MTUS1: variants seen among roughly 807,000 people sequenced by gnomAD.
MTUS1 encodes the protein microtubule-associated tumor suppressor 1.
In MTUS1, 109 loss-of-function variants were observed where a neutral mutation model predicts 120.8. That is an observed-to-expected ratio of 0.90 (90% confidence interval 0.77 to 1.06). MTUS1 has a LOEUF of 1.06. Among genes scored for constraint, MTUS1 ranks in the 50% least tolerant of loss-of-function variants. The probability of loss-of-function intolerance (pLI) is 0.00; values close to 1 mark genes in which losing one functional copy is unlikely to be tolerated. For synonymous variants in MTUS1, 737 were observed against 550.5 expected, an observed-to-expected ratio of 1.34 and a Z score of -4.74; for missense variants, 2,210 against 1,486.3, an observed-to-expected ratio of 1.49 and a Z score of -8.01.
intron 6 of MTUS1, 36 bp downstream of exon 6, chr8:17,713,178 A>T (rs753675096): frequency 1.3e-6 from 2 of 1,531,118 alleles, no homozygotes; most frequent in Middle Eastern, 1.7e-4. Context: ...TTACAAAAAG[A>T]TTCTTTTTAT....
intron 8 of MTUS1, among the ~76,000 whole-genome samples, chr8:17,656,741 G>A (rs1171970837): frequency 1.3e-5 from 2 of 152,004 alleles, no homozygotes; most frequent in Admixed American, 6.6e-5. Context: ...CAGTGTGGTA[G>A]AAGCTCACAC....
At chr8:17,649,068 C>G (rs1246483115) in intron 13 of MTUS1, among the ~76,000 whole-genome samples, 6 of 150,448 alleles carry the variant, frequency 4.0e-5, no homozygotes, top group African/African-American at 1.5e-4. Context: ...TGCTACTTGT[C>G]CAAATGGATT....
At chr8:17,691,759 G>A (rs1361115786) in intron 6 of MTUS1, among the ~76,000 whole-genome samples, 1 of 151,828 alleles carries the variant, frequency 6.6e-6, no homozygotes, top group East Asian at 1.9e-4. Context: ...ACATTTTGTA[G>A]TACGAAAAAC....
At position 17,782,356 on chromosome 8, in the gene MTUS1, T is replaced by C. The variant is rs534640385; in HGVS notation, c.-155+18705A>G. 2.0e-5 allele frequency among the ~76,000 whole-genome samples: 3 copies of C among 152,338 alleles called. No individual in the cohort carries two copies. The South Asian group carries it at 6.2e-4, about 32-fold the overall frequency. ...ATAGACATAACCATATACTGTATCA[T>C]TTCTAATTGGAAAAGGTCTACCAGA... is the stretch of plus-strand genomic sequence containing the variant. On this transcript the variant is annotated intron_variant, in intron 1 of 14. Transcript: ENST00000693296.
At position 17,646,057 on chromosome 8, in the gene MTUS1, C is replaced by T. The variant is rs759452533; in HGVS notation, c.3682G>A (p.Glu1228Lys). The T allele has an allele frequency of 3.2e-5, 51 of 1,613,342 alleles. No homozygotes were observed. The highest frequency in any genetic ancestry group is 5.5e-5 in the South Asian group (5 of 90,992). ...KVNKRLSMEN[E>K]ELLWKLHNGD... ...TTGTGCAGTTTCCACAGAAGCTCCTCGTTTTCCATAGAGAGTCGCTTGTTG... is the reference window on the plus strand; with the variant it reads ...TTGTGCAGTTTCCACAGAAGCTCCTTGTTTTCCATAGAGAGTCGCTTGTTG... The change falls in exon 15 of 15, where the codon GAG becomes AAG. Residue 1228 changes from glutamate to lysine, a missense_variant. Coordinates refer to ENST00000693296, the MANE Select transcript of MTUS1 (RefSeq NM_001363059.2).
intron 3 of MTUS1, among the ~76,000 whole-genome samples, chr8:17,735,631 G>A (rs1158755034): frequency 6.6e-6 from 1 of 152,178 alleles, no homozygotes; most frequent in East Asian, 1.9e-4. Context: ...AGCTCCTGCA[G>A]GCGCATTCCA....
chr8:17,752,209 T>A (rs1364444906), intron 2 of MTUS1, among the ~76,000 whole-genome samples: 1 of 74,052 alleles, frequency 1.4e-5, no homozygotes. Context: ...TCAAGACAAA[T>A]GTCATTAAAG....
At position 17,653,262 on chromosome 8, in the gene MTUS1, T is replaced by C. The variant is rs1160906289; in HGVS notation, c.3308A>G (p.Lys1103Arg). ...ESLEKQINDL[K>R]SENDALNEKL... ...TTCATTTAAAGCATCATTTTCACTC[T>C]TCAGATCATTGATTTGCTTCTAAAA... is the stretch of plus-strand genomic sequence containing the variant. Residue 1103 changes from lysine (K) to arginine (R), a missense_variant, in exon 12 of 15, where the codon AAG becomes AGG. Physicochemically the swap from Lys to Arg is conservative, Grantham distance 26. Transcript: ENST00000693296. 1.3e-6 allele frequency: 2 copies of C among 1,558,166 alleles called. No individual in the cohort carries two copies. Among genetic ancestry groups the C allele is most frequent in the East Asian group, 2.3e-5 (1 of 44,228 alleles).
At chr8:17,744,689 CTTTTTTTT>C (rs58283163) in intron 2 of MTUS1, among the ~76,000 whole-genome samples, 1 of 99,014 alleles carries the variant, frequency 1.0e-5, no homozygotes, top group Non-Finnish European at 2.0e-5. Flanking sequence ...ACCATGTTTT[CTTTTTTTT>C]TTTTTTTTTT....
chr8:17,766,152 T>C (rs975169266), intron 1 of MTUS1, among the ~76,000 whole-genome samples: 1 of 152,184 alleles, frequency 6.6e-6, no homozygotes, highest in Non-Finnish European at 1.5e-5. Flanking sequence ...AGTTCAAGTT[T>C]GCTACAGCTG....
intron 1 of MTUS1, among the ~76,000 whole-genome samples, chr8:17,794,396 TTTTA>T (rs1283640714): frequency 1.3e-5 from 2 of 152,188 alleles, no homozygotes; most frequent in Non-Finnish European, 2.9e-5. Flanking sequence ...TACTCATGCT[TTTTA>T]TTTATCATTT....
intron 2 of MTUS1, among the ~76,000 whole-genome samples, chr8:17,746,506 G>A (rs2047759933): frequency 1.3e-5 from 2 of 152,234 alleles, no homozygotes; most frequent in South Asian, 2.1e-4. Flanking sequence ...CAAGGCAGCA[G>A]ACAAGAGAGA....
At chr8:17,651,985 A>T (rs1292378868) in intron 12 of MTUS1, among the ~76,000 whole-genome samples, 1 of 152,186 alleles carries the variant, frequency 6.6e-6, no homozygotes, top group African/African-American at 2.4e-5. Context: ...AGCTCATCTA[A>T]TGTTATCAAA....
chr8:17,760,055 T>C (rs867436774), intron 1 of MTUS1, among the ~76,000 whole-genome samples: 2 of 142,960 alleles, frequency 1.4e-5, no homozygotes, highest in South Asian at 2.3e-4. Flanking sequence ...CGATTTCTTT[T>C]CTTTTTTTTT....
intron 1 of MTUS1, among the ~76,000 whole-genome samples, chr8:17,788,488 TG>T (rs1243318920): frequency 6.6e-6 from 1 of 152,222 alleles, no homozygotes; most frequent in Non-Finnish European, 1.5e-5. Context: ...TGTTACATCC[TG>T]AACATATTCA....
At chr8:17,722,005 AAAAT>A in intron 4 of MTUS1, 2 of 1,429,250 alleles carry the variant, frequency 1.4e-6, no homozygotes, top group Non-Finnish European at 1.8e-6. Flanking sequence ...GAAAAAAAAA[AAAAT>A]GCGTAAGCTC....
rs547769844 is a variant in MTUS1 at position 17,755,949 on chromosome 8, G to C, written c.-142C>G. ...GTCTAAGATGCTCTGAAGATTAAAT[G>C]ATTTGTTGTTCCCTGGAAGAAATAA... On this transcript the variant is annotated 5_prime_UTR_variant, in exon 2 of 15. It adds an upstream start codon to the 5' untranslated region. Transcript: ENST00000693296. 5 of 1,424,890 alleles carry C rather than the reference G, an allele frequency of 3.5e-6. No individual in the cohort carries two copies. In the South Asian group the frequency reaches 6.3e-5, roughly 18 times the overall value. 88.3% of individuals were successfully genotyped at this position (1,424,890 alleles called of 1,614,324 possible).
At chr8:17,727,069 C>T (rs1262586024) in intron 3 of MTUS1, among the ~76,000 whole-genome samples, 1 of 152,152 alleles carries the variant, frequency 6.6e-6, no homozygotes, top group Non-Finnish European at 1.5e-5. Context: ...ATTTCCCTGA[C>T]CTCCCCTATC....
In MTUS1 at chr8:17,684,528, G is replaced by T; in HGVS notation, c.2638C>A (p.Gln880Lys). 4 of 1,613,640 alleles carry T rather than the reference G, an allele frequency of 2.5e-6. No homozygotes were observed. Among genetic ancestry groups the T allele is most frequent in the Non-Finnish European group, 2.5e-6 (3 of 1,179,892 alleles). ...TALNAVEKSRQKNPRSLCIQP... is the reference protein window; with the variant it reads ...TALNAVEKSRKKNPRSLCIQP... Reference sequence around the variant, plus strand: ...ATACATAAGCTTCGAGGATTCTTTTGCCTGCTCTTTTCAACTGCAAAACGA... The same window carrying T: ...ATACATAAGCTTCGAGGATTCTTTTTCCTGCTCTTTTCAACTGCAAAACGA... Residue 880 changes from glutamine (Q) to lysine (K), a missense_variant, in exon 7 of 15, where the codon CAA (glutamine) becomes AAA (lysine). Transcript: ENST00000693296.
Sources: allele counts gnomAD v4.1 joint callset (sites outside exome capture counted in the v4.1 genomes callset), GRCh38; gene constraint gnomAD v4.1.1; transcripts MANE v1.5; gene names NCBI Gene and HGNC (gene_info 2026-07-23, HGNC 2026-07-21).